PGAP4: variants seen among roughly 807,000 people sequenced by gnomAD.
PGAP4 encodes the protein post-GPI attachment to proteins GalNAc transferase 4.
Under a neutral mutation model 28.2 loss-of-function variants are expected in PGAP4, and 12 were observed. The observed-to-expected ratio is 0.42, with a 90% CI of 0.27 to 0.69. The LOEUF (loss-of-function observed/expected upper bound fraction) is 0.69. Among genes scored for constraint, PGAP4 ranks in the 30% least tolerant of loss-of-function variants. PGAP4 has a pLI of 0.22. For missense variants in PGAP4, 425 were observed against 513.5 expected (o/e 0.83, Z 1.67); for synonymous variants, 205 against 211.8 (o/e 0.97, Z 0.28).
At chr9:101,481,558 A>G (rs763547361) in intron 1 of PGAP4, 1 of 152,258 alleles carries the variant, frequency 6.6e-6, no homozygotes, top group Non-Finnish European at 1.5e-5. Flanking sequence ...AGAATTCTCT[A>G]CCTGTTACCA....
intron 2 of PGAP4, among the ~76,000 whole-genome samples, chr9:101,514,960 G>A (rs929521776): frequency 2.0e-5 from 3 of 152,114 alleles, no homozygotes; most frequent in South Asian, 2.1e-4. Context: ...GAAGCTGAGC[G>A]GTGTTATATT....
At chr9:101,502,251 A>T (rs1826810189) in intron 2 of PGAP4, among the ~76,000 whole-genome samples, 1 of 152,060 alleles carries the variant, frequency 6.6e-6, no homozygotes, top group African/African-American at 2.4e-5. Flanking sequence ...GGGAAGTGCG[A>T]TCTGAAGTGT....
intron 2 of PGAP4, among the ~76,000 whole-genome samples, chr9:101,518,838 AT>A (rs1398432088): frequency 3.3e-5 from 5 of 152,194 alleles, no homozygotes; most frequent in Admixed American, 3.3e-4. Context: ...CAGTAATGGG[AT>A]TGCTGGATCA....
chr9:101,519,604 C>T (rs1826969535), intron 2 of PGAP4, among the ~76,000 whole-genome samples: 1 of 150,946 alleles, frequency 6.6e-6, no homozygotes, highest in African/African-American at 2.4e-5. Flanking sequence ...TGCAAAAGCT[C>T]TTTAATTTAT....
chr9:101,529,314 C>T (rs1033518822), intron 2 of PGAP4, among the ~76,000 whole-genome samples: 2 of 152,054 alleles, frequency 1.3e-5, no homozygotes, highest in African/African-American at 4.8e-5. Flanking sequence ...CACCACCATG[C>T]CCAGCTAATT....
intron 2 of PGAP4, among the ~76,000 whole-genome samples, chr9:101,524,833 T>G (rs900604757): frequency 1.9e-4 from 29 of 152,182 alleles, no homozygotes; most frequent in Admixed American, 1.9e-3. Flanking sequence ...CTCTCCTGGG[T>G]CCTGCAGGAG....
chr9:101,501,350 T>C (rs1222912195), intron 2 of PGAP4, among the ~76,000 whole-genome samples: 2 of 152,032 alleles, frequency 1.3e-5, no homozygotes, highest in Non-Finnish European at 2.9e-5. Flanking sequence ...ATCTGATGGC[T>C]GAACAACATG....
intron 2 of PGAP4, among the ~76,000 whole-genome samples, chr9:101,518,265 T>G (rs564056391): frequency 6.6e-6 from 1 of 152,222 alleles, no homozygotes; most frequent in Non-Finnish European, 1.5e-5. Context: ...GTAGCACATT[T>G]TCTTTATCCA....
In PGAP4 at chr9:101,474,585, T is replaced by C. The variant is rs1407800998; in HGVS notation, c.*1296A>G. 2.0e-5 allele frequency: 3 copies of C among 152,212 alleles called. No homozygotes were observed. Among genetic ancestry groups the C allele is most frequent in the Non-Finnish European group, 2.9e-5 (2 of 68,040 alleles). The allele number at this position is 152,212 out of a possible 1,614,324, so 9.4% of individuals were successfully genotyped here. A position where few individuals can be genotyped will look rare whatever the true frequency, so the allele number is the denominator to read the frequency against. On this transcript the variant is annotated 3_prime_UTR_variant, in exon 2 of 2. Transcript: ENST00000374848. ...ACGTGGGGATAGGTGAAAGCTGAGC[T>C]GCACATCCTTCAGAGGTCACAATGA...
At chr9:101,523,748 T>G (rs1033259916) in intron 2 of PGAP4, among the ~76,000 whole-genome samples, 1 of 151,150 alleles carries the variant, frequency 6.6e-6, no homozygotes, top group South Asian at 2.1e-4. Context: ...ATCAGGAATT[T>G]ATTCTTGGTT....
Position 101,475,804 on chromosome 9 carries a change from C to T in PGAP4, c.*77G>A. On this transcript the variant is annotated 3_prime_UTR_variant, in exon 2 of 2. Coordinates refer to ENST00000374848, the MANE Select transcript of PGAP4 (RefSeq NM_032342.3). Reference sequence around the variant, plus strand: ...CAGTAAACAGTGAAATACCTGCAGGCAACCATGTCTAAATAAAGAGATAAA... The same window carrying T: ...CAGTAAACAGTGAAATACCTGCAGGTAACCATGTCTAAATAAAGAGATAAA... 1 of 1,446,700 alleles carries T rather than the reference C, an allele frequency of 6.9e-7. No homozygotes were observed. The highest frequency in any genetic ancestry group is 1.3e-5 in the South Asian group (1 of 75,850). 89.6% of individuals were successfully genotyped at this position (1,446,700 alleles called of 1,614,324 possible).
At chr9:101,477,381 A>G (rs1462017454) in intron 1 of PGAP4, among the ~76,000 whole-genome samples, 1 of 151,950 alleles carries the variant, frequency 6.6e-6, no homozygotes, top group Non-Finnish European at 1.5e-5. Flanking sequence ...TGTTTTTATT[A>G]TTTCTATGAG....
intron 2 of PGAP4, among the ~76,000 whole-genome samples, chr9:101,525,391 T>C (rs1252775005): frequency 6.6e-6 from 1 of 152,092 alleles, no homozygotes; most frequent in Non-Finnish European, 1.5e-5. Context: ...TACGTTGGTT[T>C]TAAATGTTTT....
rs112180188 is a variant in PGAP4 at position 101,522,787 on chromosome 9, T to G, written c.-165+8561A>C. Among the ~76,000 whole-genome samples the G allele has an allele frequency of 2.1e-3, 316 of 152,304 alleles. 2 individuals are homozygous for G. The Middle Eastern group carries it at 0.031, about 15-fold the overall frequency. On this transcript the variant is annotated intron_variant, in intron 2 of 3. Transcript: ENST00000374851. ...CTGAGTACTTTGTGTGTTTTGTTTTTGCTTTTTAACTTGTATTTTTGTTTT... is the reference window on the plus strand; with the variant it reads ...CTGAGTACTTTGTGTGTTTTGTTTTGGCTTTTTAACTTGTATTTTTGTTTT...
upstream of PGAP4, among the ~76,000 whole-genome samples, chr9:101,491,777 A>G (rs1422895157): frequency 1.4e-5 from 2 of 146,204 alleles, no homozygotes; most frequent in Admixed American, 6.9e-5. Flanking sequence ...ATATTAAAGG[A>G]TATATAAATA....
rs541528902 is a variant in PGAP4, at chr9:101,487,038, C to G, written c.-167G>C. On this transcript the variant is annotated 5_prime_UTR_variant, in exon 1 of 2. Coordinates refer to ENST00000374848, the MANE Select transcript of PGAP4 (RefSeq NM_032342.3). The stretch of plus-strand genomic sequence containing the variant: ...TGGCTAGCTCATCCCGGTGGAGGCG[C>G]CATCTCCGGGGCCCGGAAGGAGCGG... 4.6e-5 allele frequency: 7 copies of G among 152,472 alleles called. No individual in the cohort carries two copies. The East Asian group carries it at 1.4e-3, about 29-fold the overall frequency. The allele number at this position is 152,472 out of a possible 1,614,324, so 9.4% of individuals were successfully genotyped here.
At chr9:101,495,838 A>G (rs1826742622) in intron 2 of PGAP4, among the ~76,000 whole-genome samples, 1 of 151,244 alleles carries the variant, frequency 6.6e-6, no homozygotes, top group Admixed American at 6.6e-5. Flanking sequence ...AAAAAGGTAA[A>G]AAAACCAAAC....
chr9:101,499,629 TG>T (rs1374757303), intron 2 of PGAP4, among the ~76,000 whole-genome samples: 1 of 152,126 alleles, frequency 6.6e-6, no homozygotes, highest in African/African-American at 2.4e-5. Context: ...GACAGATGTC[TG>T]TGCAGAAATA....
At chr9:101,496,014 G>T (rs1826744521) in intron 2 of PGAP4, among the ~76,000 whole-genome samples, 2 of 151,354 alleles carry the variant, frequency 1.3e-5, no homozygotes, top group South Asian at 2.1e-4. Context: ...TATTATAGAG[G>T]AATGTAAACA....
Sources: allele counts gnomAD v4.1 joint callset (sites outside exome capture counted in the v4.1 genomes callset), GRCh38; gene constraint gnomAD v4.1.1; transcripts MANE v1.5; gene names NCBI Gene and HGNC (gene_info 2026-07-23, HGNC 2026-07-21).